Variants in CWC27 observed in about 807,000 individuals in gnomAD.
The protein encoded by CWC27 is spliceosome-associated protein CWC27 homolog.
A neutral mutation model predicts 63.6 loss-of-function variants in CWC27; 47 were observed. The ratio of observed to expected loss-of-function variants is 0.74; its 90% CI spans 0.58 to 0.94. The LOEUF is 0.94. CWC27 is among the 40% of genes least tolerant of loss of function. CWC27 has a pLI of 0.00. For missense variants in CWC27, 495 were observed against 554.3 expected, an observed-to-expected ratio of 0.89 and a Z score of 1.07; for synonymous variants, 175 against 179.8, an observed-to-expected ratio of 0.97 and a Z score of 0.22.
At chr5:65,008,584 T>C (rs949628910) in intron 13 of CWC27, among the ~76,000 whole-genome samples, 1 of 152,162 alleles carries the variant, frequency 6.6e-6, no homozygotes, top group Non-Finnish European at 1.5e-5. Flanking sequence ...GAAGAAAATA[T>C]AGGTGGATAT....
intron 11 of CWC27, among the ~76,000 whole-genome samples, chr5:64,897,182 G>C (rs755511493): frequency 8.5e-5 from 13 of 152,102 alleles, no homozygotes; most frequent in Non-Finnish European, 1.3e-4. Context: ...CTAGGTGACA[G>C]AGTGAGAATC....
intron 10 of CWC27, among the ~76,000 whole-genome samples, chr5:64,856,942 A>G (rs1213543081): frequency 6.6e-6 from 1 of 152,190 alleles, no homozygotes; most frequent in Non-Finnish European, 1.5e-5. Context: ...TGAAAATATA[A>G]GTTATGCTGT....
At chr5:64,811,621 C>T (rs1446113383) in intron 10 of CWC27, among the ~76,000 whole-genome samples, 1 of 151,932 alleles carries the variant, frequency 6.6e-6, no homozygotes, top group Non-Finnish European at 1.5e-5. Context: ...ACTTTATCAG[C>T]CATGTTCTAC....
chr5:64,816,324 C>G (rs567907413), intron 10 of CWC27, among the ~76,000 whole-genome samples: 8 of 152,156 alleles, frequency 5.3e-5, no homozygotes, highest in Non-Finnish European at 1.0e-4. Flanking sequence ...AACATCTATC[C>G]TTCCTTCCCT....
chr5:64,829,154 T>C (rs895473814), intron 10 of CWC27, among the ~76,000 whole-genome samples: 3 of 152,178 alleles, frequency 2.0e-5, no homozygotes, highest in Admixed American at 2.0e-4. Context: ...TTTTTCATGA[T>C]TTGAATTTTC....
chr5:64,875,944 G>T (rs891979217), intron 10 of CWC27, among the ~76,000 whole-genome samples: 2 of 151,984 alleles, frequency 1.3e-5, no homozygotes, highest in Non-Finnish European at 2.9e-5. Flanking sequence ...AATTTCCATA[G>T]AATCTTAGTT....
intron 8 of CWC27, 147 bp from the exon 9 acceptor site, chr5:64,801,155 G>A (rs982664463): frequency 1.4e-6 from 1 of 717,342 alleles, no homozygotes; most frequent in Non-Finnish European, 2.1e-6. Context: ...GTTTCCATCT[G>A]TTCTATAATG....
chr5:64,870,481 TTAAAA>T (rs143541312), intron 10 of CWC27, among the ~76,000 whole-genome samples: 51,977 of 124,306 alleles, frequency 0.42, 9,322 homozygotes, highest in East Asian at 0.58. Context: ...CTTAAATTGG[TTAAAA>T]AAAAAAAAAA....
intron 10 of CWC27, among the ~76,000 whole-genome samples, chr5:64,877,969 T>C (rs1231081044): frequency 2.0e-5 from 3 of 151,964 alleles, no homozygotes; most frequent in Non-Finnish European, 4.4e-5. Flanking sequence ...AAGGAAATAA[T>C]TTTAATTCAA....
chr5:64,857,051 G>A (rs542338219), intron 10 of CWC27, among the ~76,000 whole-genome samples: 11 of 152,132 alleles, frequency 7.2e-5, no homozygotes, highest in Non-Finnish European at 1.5e-4. Context: ...CATTCTCCCT[G>A]AAAAGGTACC....
At chr5:64,833,134 G>A (rs753119455) in intron 10 of CWC27, among the ~76,000 whole-genome samples, 53 of 151,828 alleles carry the variant, frequency 3.5e-4, no homozygotes, top group African/African-American at 7.5e-4. Flanking sequence ...GTAAGCCCAC[G>A]TATTTCCAAA....
chr5:64,924,414 A>G (rs1041032834), intron 11 of CWC27, among the ~76,000 whole-genome samples: 1 of 152,246 alleles, frequency 6.6e-6, no homozygotes, highest in Non-Finnish European at 1.5e-5. Context: ...GACAGAAACC[A>G]AAGAGTAGAA....
intron 11 of CWC27, among the ~76,000 whole-genome samples, chr5:64,900,967 C>A (rs1747488912): frequency 6.6e-6 from 1 of 152,016 alleles, no homozygotes; most frequent in South Asian, 2.1e-4. Flanking sequence ...AATTCATAAA[C>A]CTTCTTAAAA....
chr5:64,882,600 T>C (rs1001822269), intron 10 of CWC27, among the ~76,000 whole-genome samples: 7 of 152,170 alleles, frequency 4.6e-5, no homozygotes, highest in African/African-American at 1.7e-4. Flanking sequence ...TTGTTGTTGT[T>C]GTTGTTGTTT....
At chr5:64,951,363 C>G (rs1256822302) in intron 11 of CWC27, among the ~76,000 whole-genome samples, 2 of 151,670 alleles carry the variant, frequency 1.3e-5, no homozygotes, top group Non-Finnish European at 3.0e-5. Context: ...ATCAGGTTGT[C>G]TTTTGTTATT....
chr5:64,794,322 C>G (rs1744182085), intron 7 of CWC27, among the ~76,000 whole-genome samples: 1 of 152,044 alleles, frequency 6.6e-6, no homozygotes, highest in Non-Finnish European at 1.5e-5. Flanking sequence ...CCAAAGGGTG[C>G]TTTGTTGTCA....
At position 64,769,052 on chromosome 5, in the gene CWC27, A is replaced by G; in HGVS notation, c.-95A>G. On this transcript the variant is annotated 5_prime_UTR_variant, in exon 1 of 14. Coordinates refer to ENST00000381070, the MANE Select transcript of CWC27 (RefSeq NM_005869.4). ...AACTGAAGCTTTCCTGCACCACTGGACTTAAGGAAGAGTGTACTCGTAGGC... is the reference window on the plus strand; with the variant it reads ...AACTGAAGCTTTCCTGCACCACTGGGCTTAAGGAAGAGTGTACTCGTAGGC... 6 of 1,001,518 alleles carry G rather than the reference A, an allele frequency of 6.0e-6. No individual in the cohort carries two copies. Among genetic ancestry groups the G allele is most frequent in the Non-Finnish European group, 7.9e-6 (5 of 629,418 alleles). 62.0% of individuals were successfully genotyped at this position (1,001,518 alleles called of 1,614,324 possible).
intron 10 of CWC27, among the ~76,000 whole-genome samples, chr5:64,824,984 G>A (rs549813461): frequency 4.6e-5 from 7 of 151,914 alleles, no homozygotes; most frequent in Admixed American, 6.6e-5. Context: ...CACCCGCCTC[G>A]GCCTCCCAAA....
intron 11 of CWC27, among the ~76,000 whole-genome samples, chr5:64,913,158 T>C (rs1263052953): frequency 6.6e-6 from 1 of 152,160 alleles, no homozygotes; most frequent in East Asian, 1.9e-4. Context: ...AATCATTTCA[T>C]CATTTTGATA....
Sources: allele counts gnomAD v4.1 joint callset (sites outside exome capture counted in the v4.1 genomes callset), GRCh38; gene constraint gnomAD v4.1.1; transcripts MANE v1.5; gene names NCBI Gene and HGNC (gene_info 2026-07-23, HGNC 2026-07-21).